Variants in LAMB1 observed in about 807,000 individuals in gnomAD.
LAMB1 encodes laminin subunit beta-1.
Under a neutral mutation model 222.3 loss-of-function variants are expected in LAMB1, and 121 were observed. That is an observed-to-expected ratio of 0.54 (90% confidence interval 0.47 to 0.63). The LOEUF is 0.63. Among genes scored for constraint, LAMB1 ranks in the 30% least tolerant of loss-of-function variants. LAMB1 has a pLI of 0.00. For missense variants in LAMB1, 2,172 were observed against 2,240.8 expected (o/e 0.97, Z 0.62); for synonymous variants, 794 against 807.2 (o/e 0.98, Z 0.28).
chr7:107,960,646 C>A lies in LAMB1; in HGVS notation c.2113G>T (p.Val705Phe). Residue 705 changes from valine to phenylalanine, a missense_variant, in exon 18 of 34, where the codon GTT becomes TTT. Physicochemically the swap from Val to Phe is conservative, Grantham distance 50 (BLOSUM62 -1). Transcript: ENST00000222399. ...ESPYTLIDSL[V>F]LMPYCKSLDI... The stretch of plus-strand genomic sequence containing the variant: ...AGTGATTTACAGTATGGCATGAGAA[C>A]AAGCTGTGAAGAAATGAGAACGGCC... 1.2e-6 allele frequency: 2 copies of A among 1,614,106 alleles called. No homozygotes were observed. Among genetic ancestry groups the A allele is most frequent in the Non-Finnish European group, 1.7e-6 (2 of 1,179,926 alleles).
intron 20 of LAMB1, 90 bp downstream of exon 20, chr7:107,959,159 C>G: frequency 2.0e-6 from 2 of 991,622 alleles, no homozygotes; most frequent in South Asian, 3.0e-5. Context: ...CGAGCTGAAG[C>G]CTGGTGGAGA....
chr7:107,927,054 C>T (rs1318480831), intron 31 of LAMB1, among the ~76,000 whole-genome samples: 1 of 152,192 alleles, frequency 6.6e-6, no homozygotes, highest in African/African-American at 2.4e-5. Context: ...ATCAATTTCA[C>T]TGAGCACTCA....
Position 107,963,035 on chromosome 7 carries a change from A to C in LAMB1, c.1727T>G (p.Ile576Ser). The C allele has an allele frequency of 6.2e-7, 1 of 1,613,918 alleles. No individual in the cohort carries two copies. The change falls in exon 15 of 34, where the codon ATC becomes AGC. Residue 576 changes from isoleucine (I) to serine (S), a missense_variant. Transcript: ENST00000222399. ...AGTCCAGGAGGGAATCCGGTCCTGG[A>C]TATATTGCCGCTCCACTATGCTAAC... ...PGVSIVERQY[I>S]QDRIPSWTGA...
intron 13 of LAMB1, among the ~76,000 whole-genome samples, chr7:107,972,298 T>G (rs988899473): frequency 5.9e-5 from 9 of 152,200 alleles, no homozygotes; most frequent in African/African-American, 2.2e-4. Flanking sequence ...CTCAATGAAT[T>G]CAGAGTGTTC....
chr7:107,989,054 C>T (rs1157838933), intron 5 of LAMB1, among the ~76,000 whole-genome samples: 1 of 152,212 alleles, frequency 6.6e-6, no homozygotes, highest in Non-Finnish European at 1.5e-5. Context: ...AAATCCATTC[C>T]TATCTTTCTC....
chr7:108,000,604 A>G (rs2034363823), intron 3 of LAMB1, among the ~76,000 whole-genome samples: 1 of 152,246 alleles, frequency 6.6e-6, no homozygotes, highest in African/African-American at 2.4e-5. Flanking sequence ...AATGCAGTGG[A>G]CTGATTATCG....
At chr7:107,986,429 A>C in intron 5 of LAMB1, 66 bp from the exon 6 acceptor site, 30 of 1,395,414 alleles carry the variant, frequency 2.1e-5, no homozygotes, top group Non-Finnish European at 2.7e-5. Flanking sequence ...TTTTAATCTC[A>C]GGTAAAAATG....
chr7:107,939,905 G>T, intron 25 of LAMB1, 84 bp downstream of exon 25: 2 of 1,451,738 alleles, frequency 1.4e-6, no homozygotes, highest in Non-Finnish European at 1.9e-6. Context: ...CCTGATGGAA[G>T]CACCATGCCA....
chr7:107,993,546 C>CAA (rs1205288514), intron 5 of LAMB1, among the ~76,000 whole-genome samples: 2 of 152,174 alleles, frequency 1.3e-5, no homozygotes, highest in Non-Finnish European at 2.9e-5. Context: ...AATGAGTATT[C>CAA]AACTACAAAA....
chr7:107,991,297 A>G (rs1380421726), intron 5 of LAMB1, among the ~76,000 whole-genome samples: 1 of 152,176 alleles, frequency 6.6e-6, no homozygotes, highest in Non-Finnish European at 1.5e-5. Context: ...AAAATACAAA[A>G]AAGAGGCTGA....
chr7:107,988,841 A>G (rs1584536072), intron 5 of LAMB1, among the ~76,000 whole-genome samples: 1 of 152,264 alleles, frequency 6.6e-6, no homozygotes, highest in Non-Finnish European at 1.5e-5. Context: ...GCAGAAACCA[A>G]CCCTGCCAAC....
rs571644685 is a variant in LAMB1 at position 107,964,028 on chromosome 7, C to T, written c.1698+524G>A. Among the ~76,000 whole-genome samples, 484 of 152,242 alleles carry T rather than the reference C, an allele frequency of 3.2e-3. 1 individual carries two copies. The highest frequency in any genetic ancestry group is 0.011 in the African/African-American group (454 of 41,544). On this transcript the variant is annotated intron_variant, in intron 14 of 33. Coordinates refer to ENST00000222399, the MANE Select transcript of LAMB1 (RefSeq NM_002291.3). ...AGGAGAATCGCTTCAACCCAGCAGG[C>T]GGAGGTTGTGGTGAGCTGAGATAGT...
chr7:108,001,081 G>A (rs1169546283), intron 3 of LAMB1, among the ~76,000 whole-genome samples: 2 of 152,102 alleles, frequency 1.3e-5, no homozygotes, highest in Non-Finnish European at 2.9e-5. Flanking sequence ...ATCTAGTTGG[G>A]AACAGCACCA....
intron 24 of LAMB1, among the ~76,000 whole-genome samples, chr7:107,940,758 C>A (rs1001555524): frequency 1.3e-5 from 2 of 152,148 alleles, no homozygotes; most frequent in Non-Finnish European, 2.9e-5. Context: ...TTTGCAACTC[C>A]GGAGTCTATA....
At chr7:107,959,566 C>T in intron 19 of LAMB1, 86 bp from the exon 20 acceptor site, 1 of 1,606,898 alleles carries the variant, frequency 6.2e-7, no homozygotes, top group African/African-American at 1.3e-5. Flanking sequence ...GTCCCCAATT[C>T]AGAATGCTCA....
intron 5 of LAMB1, among the ~76,000 whole-genome samples, chr7:107,986,965 T>A (rs1380406212): frequency 6.6e-6 from 1 of 152,176 alleles, no homozygotes; most frequent in South Asian, 2.1e-4. Flanking sequence ...CCCGGAAGAA[T>A]TGAAAACAGG....
At chr7:107,965,977 A>T (rs1254383535) in intron 13 of LAMB1, among the ~76,000 whole-genome samples, 1 of 151,812 alleles carries the variant, frequency 6.6e-6, no homozygotes, top group Admixed American at 6.6e-5. Context: ...ACACACCTGT[A>T]ATCTCAGCTA....
rs184075314 is a variant in LAMB1, at chr7:107,951,207, G to A, written c.3391+19C>T. 1,971 of 1,599,074 alleles carry A rather than the reference G, an allele frequency of 1.2e-3. 17 individuals carry two copies. The African/African-American group carries it at 0.024, about 20-fold the overall frequency. ...CTCCACTCTCTGATCAAGTCAATGCGAGAACGCCCACAACTCACCTCGGCA... is the reference window on the plus strand; with the variant it reads ...CTCCACTCTCTGATCAAGTCAATGCAAGAACGCCCACAACTCACCTCGGCA... On this transcript the variant is annotated intron_variant, in intron 24 of 33. Coordinates refer to ENST00000222399, the MANE Select transcript of LAMB1 (RefSeq NM_002291.3).
chr7:107,984,394 A>G (rs758883784), intron 7 of LAMB1, among the ~76,000 whole-genome samples: 19 of 152,164 alleles, frequency 1.2e-4, no homozygotes, highest in Non-Finnish European at 2.2e-4. Flanking sequence ...GATTACAGGC[A>G]TATGCCACCA....
Sources: gnomAD v4.1 joint callset for allele counts (sites outside exome capture counted in the v4.1 genomes callset) on GRCh38, gnomAD v4.1.1 for gene constraint, MANE v1.5 for transcripts, NCBI Gene and HGNC (gene_info 2026-07-23, HGNC 2026-07-21) for gene names.